Variants in UGT2A3 observed in about 807,000 individuals in gnomAD.
UGT2A3 encodes the protein UDP-glucuronosyltransferase 2A3.
Under a neutral mutation model 44.1 loss-of-function variants are expected in UGT2A3, and 55 were observed. The observed-to-expected ratio is 1.25, with a 90% CI of 1.00 to 1.56. The LOEUF (loss-of-function observed/expected upper bound fraction) is 1.56. Ranked by LOEUF, UGT2A3 falls within the 40% of genes most tolerant of loss-of-function variation. The pLI is 0.00. For missense variants in UGT2A3, 733 were observed against 621.6 expected, an observed-to-expected ratio of 1.18 and a Z score of -1.91; for synonymous variants, 243 against 215.1, an observed-to-expected ratio of 1.13 and a Z score of -1.13.
chr4:68,948,324 T>C (rs1413732014), intron 1 of UGT2A3, among the ~76,000 whole-genome samples: 1 of 151,850 alleles, frequency 6.6e-6, no homozygotes, highest in Non-Finnish European at 1.5e-5. Flanking sequence ...TCCTCTCCTC[T>C]CTGAGGCTTC....
In UGT2A3 at chr4:68,951,197, T is replaced by A. The variant is rs761807877; in HGVS notation, c.564A>T (p.Pro188=). The change falls in exon 1 of 6, where the codon CCA becomes CCT. Residue 188 remains proline (P), a synonymous_variant. Transcript: ENST00000251566. The stretch of plus-strand genomic sequence containing the variant: ...TCATAGGCACAGGTACATAGGAAAG[T>A]GGAGCTGGAAGTTTCCCACAGCTTC... ...MERSCGKLPA[P]LSYVPVPMTG... is the part of the protein sequence containing the mutation. 2 of 1,612,082 alleles carry A rather than the reference T, an allele frequency of 1.2e-6. No homozygotes were observed. The highest frequency in any genetic ancestry group is 1.7e-6 in the Non-Finnish European group (2 of 1,179,024).
chr4:68,945,213 A>T, intron 2 of UGT2A3, 93 bp downstream of exon 2: 2 of 1,461,684 alleles, frequency 1.4e-6, no homozygotes, highest in Non-Finnish European at 1.9e-6. Context: ...GAAGACATTC[A>T]ACATCATCCT....
chr4:68,937,653 C>A (rs937253530), intron 2 of UGT2A3, among the ~76,000 whole-genome samples: 1 of 151,746 alleles, frequency 6.6e-6, no homozygotes, highest in East Asian at 1.9e-4. Flanking sequence ...TTAATAGAAC[C>A]AGAGAAGCAA....
chr4:68,930,888 G>A (rs1468030857), intron 4 of UGT2A3, 123 bp from the exon 5 acceptor site: 1 of 857,678 alleles, frequency 1.2e-6, no homozygotes, highest in South Asian at 2.0e-5. Context: ...TCTTTAGAAG[G>A]TGAGCACATG....
rs750157308 is a variant in UGT2A3 at position 68,929,780 on chromosome 4, AC to A, written c.*32del. On this transcript the variant is annotated 3_prime_UTR_variant, in exon 6 of 6. Coordinates refer to ENST00000251566, the MANE Select transcript of UGT2A3 (RefSeq NM_024743.4). ...CTATGTGGCTGGAATTAACAGGATTACCCCATCAGGTCTTTCTTGAATTTGG... is the reference window on the plus strand; with the variant it reads ...CTATGTGGCTGGAATTAACAGGATTACCCATCAGGTCTTTCTTGAATTTGG... 76 of 1,513,834 alleles carry A rather than the reference AC, an allele frequency of 5.0e-5. No individual in the cohort carries two copies. The highest frequency in any genetic ancestry group is 1.0e-4 in the Admixed American group (5 of 50,238). 93.8% of individuals were successfully genotyped at this position (1,513,834 alleles called of 1,614,324 possible).
At chr4:68,930,930 C>T (rs1309556058) in intron 4 of UGT2A3, among the ~76,000 whole-genome samples, 165 bp from the exon 5 acceptor site, 1 of 152,108 alleles carries the variant, frequency 6.6e-6, no homozygotes, top group Non-Finnish European at 1.5e-5. Context: ...TTTCTATCTC[C>T]AGAAAAATAG....
chr4:68,942,729 T>A (rs1718246319), intron 2 of UGT2A3, among the ~76,000 whole-genome samples: 1 of 150,958 alleles, frequency 6.6e-6, no homozygotes, highest in African/African-American at 2.4e-5. Flanking sequence ...AATTAGAGAG[T>A]AGAATTGTGG....
intron 2 of UGT2A3, among the ~76,000 whole-genome samples, chr4:68,940,060 G>A (rs1299944613): frequency 6.6e-6 from 1 of 152,122 alleles, no homozygotes; most frequent in Admixed American, 6.6e-5. Flanking sequence ...AGATACTGGA[G>A]AGGATGTGGG....
At chr4:68,935,529 A>G (rs1056173333) in intron 2 of UGT2A3, among the ~76,000 whole-genome samples, 6 of 151,772 alleles carry the variant, frequency 4.0e-5, no homozygotes, top group Non-Finnish European at 8.8e-5. Flanking sequence ...AATAAAAAGG[A>G]CATCCACACC....
chr4:68,946,201 T>C (rs940795209), intron 1 of UGT2A3, among the ~76,000 whole-genome samples: 1 of 151,700 alleles, frequency 6.6e-6, no homozygotes, highest in African/African-American at 2.4e-5. Context: ...AATGGCTAAC[T>C]ACAAATAACT....
chr4:68,930,509 C>T (rs1717689492), intron 5 of UGT2A3, 37 bp downstream of exon 5: 3 of 1,527,388 alleles, frequency 2.0e-6, no homozygotes, highest in Non-Finnish European at 2.7e-6. Flanking sequence ...ATAACATAGT[C>T]AATGTTAGAT....
At chr4:68,937,792 C>A (rs1338055277) in intron 2 of UGT2A3, among the ~76,000 whole-genome samples, 1 of 151,656 alleles carries the variant, frequency 6.6e-6, no homozygotes, top group Non-Finnish European at 1.5e-5. Flanking sequence ...TTGAAAAGAT[C>A]AACAAAATAA....
Position 68,930,690 on chromosome 4 carries a change from G to A in UGT2A3, c.1160C>T (p.Pro387Leu). Residue 387 changes from proline (P) to leucine (L), a missense_variant, in exon 5 of 6, where the codon CCT becomes CTT. By Grantham distance (98) the Pro-to-Leu change is moderately conservative. Coordinates refer to ENST00000251566, the MANE Select transcript of UGT2A3 (RefSeq NM_024743.4). ...ACCAAATATGGGAACTCCCACCATA[G>A]GGACCCCATGGTAAATAGCTTCATA... The part of the protein sequence containing the change: ...GIYEAIYHGV[P>L]MVGVPIFGDQ... The A allele has an allele frequency of 1.2e-6, 2 of 1,613,152 alleles. No individual in the cohort carries two copies. Among genetic ancestry groups the A allele is most frequent in the Non-Finnish European group, 1.7e-6 (2 of 1,179,480 alleles).
chr4:68,938,477 G>A (rs1718040782), intron 2 of UGT2A3, among the ~76,000 whole-genome samples: 1 of 152,054 alleles, frequency 6.6e-6, no homozygotes, highest in African/African-American at 2.4e-5. Flanking sequence ...AATAGATGCA[G>A]AAAACACCTT....
chr4:68,930,559 T>G lies in UGT2A3; in HGVS notation c.1291A>C (p.Ile431Leu). The G allele has an allele frequency of 6.2e-7, 1 of 1,610,846 alleles. No individual in the cohort carries two copies. Among genetic ancestry groups the G allele is most frequent in the Non-Finnish European group, 8.5e-7 (1 of 1,178,162 alleles). Reference sequence around the variant, plus strand: ...AGTAGTACTTACGAGGAATCGGTAATGACTGTTCTCAAAGCCCTCAGTAAA... The same window carrying G: ...AGTAGTACTTACGAGGAATCGGTAAGGACTGTTCTCAAAGCCCTCAGTAAA... The part of the protein sequence containing the change: ...EDLLRALRTV[I>L]TDSSYKENAM... The change falls in exon 5 of 6, where the codon ATT (isoleucine) becomes CTT (leucine). Residue 431 changes from isoleucine to leucine, a missense_variant. Ile to Leu is a conservative substitution (Grantham distance 5, BLOSUM62 2). Transcript: ENST00000251566.
intron 1 of UGT2A3, among the ~76,000 whole-genome samples, chr4:68,947,478 G>T (rs972967478): frequency 6.6e-6 from 1 of 151,656 alleles, no homozygotes; most frequent in African/African-American, 2.4e-5. Context: ...TTCACATGAT[G>T]TCTTCAATCC....
chr4:68,940,801 C>A (rs1453960694), intron 2 of UGT2A3, among the ~76,000 whole-genome samples: 1 of 95,122 alleles, frequency 1.1e-5, no homozygotes, highest in African/African-American at 3.1e-5. Context: ...TACACACACA[C>A]ATATATAGCA....
rs1405154144 is a variant in UGT2A3 at position 68,935,298 on chromosome 4, A to G, written c.865-2539T>C. Reference sequence around the variant, plus strand: ...TATGTATATATATATATATATATATATATATATATATATATATATGCATAA... The same window carrying G: ...TATGTATATATATATATATATATATGTATATATATATATATATATGCATAA... On this transcript the variant is annotated intron_variant, in intron 2 of 5. Coordinates refer to ENST00000251566, the MANE Select transcript of UGT2A3 (RefSeq NM_024743.4). Among the ~76,000 whole-genome samples the G allele has an allele frequency of 1.2e-3, 121 of 97,828 alleles. 1 individual carries two copies. The highest frequency in any genetic ancestry group is 2.1e-3 in the Admixed American group (16 of 7,624). 64.2% of individuals were successfully genotyped at this position (97,828 alleles called of 152,430 possible).
At position 68,930,035 on chromosome 4, in the gene UGT2A3, G is replaced by T; in HGVS notation, c.1362C>A (p.Pro454=). 6.2e-7 allele frequency: 1 copy of T among 1,613,374 alleles called. No individual in the cohort carries two copies. The highest frequency in any genetic ancestry group is 2.2e-5 in the East Asian group (1 of 44,830). Residue 454 remains proline, a synonymous_variant, in exon 6 of 6, where the codon CCC becomes CCA. Coordinates refer to ENST00000251566, the MANE Select transcript of UGT2A3 (RefSeq NM_024743.4). ...CGATCCAGAAGACTGCTCGATCTAG[G>T]GGCTTTACAGGTTGATCATGGTGAA... ...SRIHHDQPVK[P]LDRAVFWIEF...
Sources: allele counts gnomAD v4.1 joint callset (sites outside exome capture counted in the v4.1 genomes callset), GRCh38; gene constraint gnomAD v4.1.1; transcripts MANE v1.5; gene names NCBI Gene and HGNC (gene_info 2026-07-23, HGNC 2026-07-21).